Variants in LHFPL3 observed in about 807,000 individuals in gnomAD.
LHFPL3 encodes LHFPL tetraspan subfamily member 3.
In LHFPL3, 5 loss-of-function variants were observed where a neutral mutation model predicts 19.3. That is an observed-to-expected ratio of 0.26 (90% CI 0.14 to 0.54). The LOEUF (loss-of-function observed/expected upper bound fraction) is 0.54, where lower values mean the gene tolerates loss of function less well. Among genes scored for constraint, LHFPL3 ranks in the 20% least tolerant of loss-of-function variants. LHFPL3 has a pLI of 0.94. For missense variants in LHFPL3, 249 were observed against 307.4 expected (o/e 0.81, Z 1.42); for synonymous variants, 133 against 126.2 (o/e 1.05, Z -0.36).
chr7:104,533,184 A>T (rs555573131), intron 1 of LHFPL3, among the ~76,000 whole-genome samples: 3 of 152,204 alleles, frequency 2.0e-5, no homozygotes, highest in Non-Finnish European at 2.9e-5. Flanking sequence ...AATGGACATT[A>T]CCTTGACCTC....
intron 1 of LHFPL3, among the ~76,000 whole-genome samples, chr7:104,644,436 T>C (rs909487758): frequency 3.3e-4 from 51 of 152,264 alleles, no homozygotes; most frequent in African/African-American, 1.2e-3. Flanking sequence ...TAAATATTAT[T>C]GGGTGATTAT....
chr7:104,634,290 C>G (rs1339335927), intron 1 of LHFPL3, among the ~76,000 whole-genome samples: 1 of 152,164 alleles, frequency 6.6e-6, no homozygotes, highest in East Asian at 1.9e-4. Context: ...AGCAGAGTGC[C>G]AACATGGTTG....
intron 1 of LHFPL3, among the ~76,000 whole-genome samples, chr7:104,393,923 A>G (rs1368524480): frequency 6.6e-6 from 1 of 152,162 alleles, no homozygotes; most frequent in Non-Finnish European, 1.5e-5. Flanking sequence ...AAGATAAATT[A>G]ATGATTGCTA....
At chr7:104,893,376 T>G (rs1338853718) in intron 2 of LHFPL3, among the ~76,000 whole-genome samples, 3 of 151,758 alleles carry the variant, frequency 2.0e-5, no homozygotes, top group African/African-American at 7.3e-5. Context: ...TAAAGGGGCA[T>G]GGTAGTATAT....
chr7:104,380,412 T>C (rs1304625234), intron 1 of LHFPL3, among the ~76,000 whole-genome samples: 1 of 151,874 alleles, frequency 6.6e-6, no homozygotes, highest in African/African-American at 2.4e-5. Flanking sequence ...CAAGAACAAA[T>C]AGAACTAAGC....
chr7:104,682,672 A>C (rs561162952), intron 1 of LHFPL3, among the ~76,000 whole-genome samples: 3 of 152,248 alleles, frequency 2.0e-5, no homozygotes, highest in African/African-American at 7.2e-5. Flanking sequence ...TTTTGGATAA[A>C]TGGGGCCCCT....
chr7:104,736,502 C>T lies in LHFPL3; in HGVS notation c.446-173C>T, dbSNP rs553793011. On this transcript the variant is annotated intron_variant, in intron 1 of 2. Coordinates refer to ENST00000424859, the MANE Select transcript of LHFPL3 (RefSeq NM_199000.3). ...AGCAACACACACACGTGCACGTTTG[C>T]ATGCCCACACACACACACACACACA... Among the ~76,000 whole-genome samples, 963 of 126,698 alleles carry T rather than the reference C, an allele frequency of 7.6e-3. 6 individuals are homozygous for T. Among genetic ancestry groups the T allele is most frequent in the African/African-American group, 0.029 (900 of 30,770 alleles). 83.1% of individuals were successfully genotyped at this position (126,698 alleles called of 152,430 possible). A position where few individuals can be genotyped will look rare whatever the true frequency, so the allele number is the denominator to read the frequency against.
At chr7:104,856,434 G>C (rs61562138) in intron 2 of LHFPL3, among the ~76,000 whole-genome samples, 1 of 151,796 alleles carries the variant, frequency 6.6e-6, no homozygotes, top group South Asian at 2.1e-4. Context: ...ATTTTTAGTA[G>C]AAACAGCGTT....
chr7:104,786,908 G>GC lies in LHFPL3; in HGVS notation c.682+49998dup, dbSNP rs1160959342. ...TAGTGATATACTTAATAAAAGCCCA[G>GC]CATTGTTAAGAACCGACAATTCTAG... On this transcript the variant is annotated intron_variant, in intron 2 of 2. Coordinates refer to ENST00000424859, the MANE Select transcript of LHFPL3 (RefSeq NM_199000.3). 2.0e-5 allele frequency among the ~76,000 whole-genome samples: 3 copies of GC among 152,138 alleles called. No homozygotes were observed. The East Asian group carries it at 5.8e-4, about 29-fold the overall frequency.
chr7:104,823,960 G>A (rs1389864711), intron 2 of LHFPL3, among the ~76,000 whole-genome samples: 9 of 150,468 alleles, frequency 6.0e-5, no homozygotes, highest in Admixed American at 6.7e-5. Context: ...AACCTGGCCA[G>A]CATGGTGAAA....
intron 1 of LHFPL3, among the ~76,000 whole-genome samples, chr7:104,567,984 G>C (rs746615379): frequency 6.6e-6 from 1 of 152,200 alleles, no homozygotes; most frequent in Non-Finnish European, 1.5e-5. Flanking sequence ...CCCAAGAGCT[G>C]TGCTTTTCCA....
intron 1 of LHFPL3, among the ~76,000 whole-genome samples, chr7:104,719,854 G>A (rs912043498): frequency 1.3e-5 from 2 of 152,096 alleles, no homozygotes; most frequent in African/African-American, 4.8e-5. Context: ...TTTGTGGACC[G>A]TGTATGACCT....
intron 2 of LHFPL3, among the ~76,000 whole-genome samples, chr7:104,795,957 T>C (rs1790116335): frequency 7.2e-6 from 1 of 139,674 alleles, no homozygotes; most frequent in East Asian, 2.3e-4. Context: ...ACCTAAAATA[T>C]ACCCATTGAA....
chr7:104,777,736 T>C (rs547728620), intron 2 of LHFPL3, among the ~76,000 whole-genome samples: 1 of 152,310 alleles, frequency 6.6e-6, no homozygotes, highest in Non-Finnish European at 1.5e-5. Context: ...CTCGGTTCAG[T>C]TGCCATTGAT....
intron 2 of LHFPL3, among the ~76,000 whole-genome samples, chr7:104,839,464 C>T (rs893422668): frequency 6.6e-6 from 1 of 152,014 alleles, no homozygotes; most frequent in Admixed American, 6.6e-5. Flanking sequence ...GTCAGGAGTT[C>T]GAGACCAGCC....
intron 2 of LHFPL3, chr7:104,798,396 G>A (rs1325342993): frequency 6.6e-6 from 1 of 151,990 alleles, no homozygotes; most frequent in Non-Finnish European, 1.5e-5. Flanking sequence ...ATTCATCTGT[G>A]GAAAAAATAA....
intron 2 of LHFPL3, among the ~76,000 whole-genome samples, chr7:104,869,782 A>G (rs928568430): frequency 6.6e-6 from 1 of 152,226 alleles, no homozygotes; most frequent in Non-Finnish European, 1.5e-5. Flanking sequence ...CTATAAAGAC[A>G]CATGCACACG....
chr7:104,615,519 G>A (rs1791315200), intron 1 of LHFPL3, among the ~76,000 whole-genome samples: 1 of 152,140 alleles, frequency 6.6e-6, no homozygotes, highest in African/African-American at 2.4e-5. Flanking sequence ...TAAATTCGGT[G>A]ATTCAGCTGC....
intron 1 of LHFPL3, among the ~76,000 whole-genome samples, chr7:104,511,508 C>G (rs1195675028): frequency 6.6e-6 from 1 of 152,146 alleles, no homozygotes; most frequent in Non-Finnish European, 1.5e-5. Flanking sequence ...ACCCCAAAAC[C>G]TCTACGTAAG....
Sources: allele counts gnomAD v4.1 joint callset (sites outside exome capture counted in the v4.1 genomes callset), GRCh38; gene constraint gnomAD v4.1.1; transcripts MANE v1.5; gene names NCBI Gene and HGNC (gene_info 2026-07-23, HGNC 2026-07-21).